ARF4: variants seen among roughly 807,000 people sequenced by gnomAD.
ARF4 encodes the protein ARF GTPase 4, also known as ADP-ribosylation factor 4.
In ARF4, 5 loss-of-function variants were observed where a neutral mutation model predicts 24.3. That is an observed-to-expected ratio of 0.21 (90% CI 0.11 to 0.43). The LOEUF is 0.43. ARF4 is among the 20% of genes least tolerant of loss of function. The pLI is 1.00. For missense variants in ARF4, 107 were observed against 213.0 expected (o/e 0.50, Z 3.10); for synonymous variants, 62 against 73.5 (o/e 0.84, Z 0.80).
intron 1 of ARF4, among the ~76,000 whole-genome samples, chr3:57,592,028 C>G (rs1025951526): frequency 3.3e-5 from 5 of 152,136 alleles, no homozygotes; most frequent in Non-Finnish European, 5.9e-5. Context: ...CGGAACTGTA[C>G]ACTTTAACAG....
Position 57,591,757 on chromosome 3 carries a change from G to A in ARF4, c.67+5317C>T, listed in dbSNP as rs552198602. On this transcript the variant is annotated intron_variant, in intron 1 of 5. Transcript: ENST00000303436. ...TGGGATTACAGGCGTGAGCCACCGC[G>A]CCCGGCCATTATGAATGAACTTTGA... Among the ~76,000 whole-genome samples, 7 of 152,198 alleles carry A rather than the reference G, an allele frequency of 4.6e-5. No homozygotes were observed. In the South Asian group the frequency reaches 6.2e-4, roughly 14 times the overall value.
At chr3:57,577,529 T>TAA in intron 3 of ARF4, 142 bp from the exon 4 acceptor site, 1 of 646,784 alleles carries the variant, frequency 1.5e-6, no homozygotes, top group Non-Finnish European at 2.7e-6. Context: ...GCTGTAATGC[T>TAA]AAAAGCTGAT....
At chr3:57,593,770 C>T (rs559219225) in intron 1 of ARF4, among the ~76,000 whole-genome samples, 1 of 152,266 alleles carries the variant, frequency 6.6e-6, no homozygotes, top group South Asian at 2.1e-4. Flanking sequence ...GGCTCAGTGG[C>T]TCGCCCTGTA....
intron 1 of ARF4, among the ~76,000 whole-genome samples, chr3:57,593,978 G>A (rs1426035779): frequency 6.6e-6 from 1 of 152,196 alleles, no homozygotes; most frequent in African/African-American, 2.4e-5. Flanking sequence ...GAAGCTGGCT[G>A]GGTGTGATGG....
In ARF4 at chr3:57,576,516, T is replaced by G. The variant is rs1489837079; in HGVS notation, c.330+800A>C. ...TGTCTCAACCAAGCTTTTTTTTTTT[T>G]TTTTTTTTTTGAAGAGGGAAAGCTG... On this transcript the variant is annotated intron_variant, in intron 4 of 5. Coordinates refer to ENST00000303436, the MANE Select transcript of ARF4 (RefSeq NM_001660.4). Among the ~76,000 whole-genome samples, 4 of 150,770 alleles carry G rather than the reference T, an allele frequency of 2.7e-5. No individual in the cohort carries two copies. The East Asian group carries it at 7.8e-4, about 29-fold the overall frequency.
chr3:57,589,319 G>A (rs2070076637), intron 1 of ARF4, among the ~76,000 whole-genome samples: 2 of 151,336 alleles, frequency 1.3e-5, no homozygotes, highest in Non-Finnish European at 3.0e-5. Flanking sequence ...TCCCAGCTAC[G>A]TGGGAGGCTG....
intron 3 of ARF4, among the ~76,000 whole-genome samples, chr3:57,577,911 C>T (rs933378961): frequency 1.3e-5 from 2 of 151,846 alleles, no homozygotes; most frequent in Admixed American, 6.6e-5. Flanking sequence ...AAAAATTAGC[C>T]AGGTGTGGTG....
intron 3 of ARF4, among the ~76,000 whole-genome samples, chr3:57,581,442 G>GTT (rs2069969194): frequency 6.6e-6 from 1 of 152,150 alleles, no homozygotes; most frequent in African/African-American, 2.4e-5. Flanking sequence ...TAAACCCAGG[G>GTT]TTACCCTTGG....
At chr3:57,585,124 A>G (rs1397207498) in intron 1 of ARF4, among the ~76,000 whole-genome samples, 1 of 152,170 alleles carries the variant, frequency 6.6e-6, no homozygotes, top group East Asian at 1.9e-4. Context: ...TGGGCCTGCC[A>G]ATGTGCTGGG....
At chr3:57,587,187 C>CAT (rs1396058327) in intron 1 of ARF4, among the ~76,000 whole-genome samples, 14 of 151,958 alleles carry the variant, frequency 9.2e-5, no homozygotes, top group African/African-American at 2.4e-5. Context: ...GATGTGGTGG[C>CAT]ATATGCCTAT....
At chr3:57,584,590 A>G in intron 1 of ARF4, 126 bp from the exon 2 acceptor site, 2 of 787,384 alleles carry the variant, frequency 2.5e-6, no homozygotes, top group Non-Finnish European at 4.1e-6. Context: ...TGAGTTAGAA[A>G]TGAAATGACC....
At chr3:57,582,713 T>A (rs1484904367) in intron 3 of ARF4, among the ~76,000 whole-genome samples, 1 of 151,728 alleles carries the variant, frequency 6.6e-6, no homozygotes, top group Non-Finnish European at 1.5e-5. Context: ...TTGCAAGTCT[T>A]AAAAATATAA....
intron 3 of ARF4, among the ~76,000 whole-genome samples, chr3:57,580,114 A>G (rs2069951958): frequency 6.6e-6 from 1 of 152,074 alleles, no homozygotes. Context: ...CAAAAACAAA[A>G]AATAATGTTT....
rs921070278 is a variant in ARF4, at chr3:57,585,143, C to T, written c.68-679G>A. On this transcript the variant is annotated intron_variant, in intron 1 of 5. Transcript: ENST00000303436. ...CCTGCCAATGTGCTGGGATTACAAG[C>T]GTGAGCCACCGTGCCCAGCCATACT... Among the ~76,000 whole-genome samples, 6 of 152,100 alleles carry T rather than the reference C, an allele frequency of 3.9e-5. No individual in the cohort carries two copies. In the South Asian group the frequency reaches 6.2e-4, roughly 16 times the overall value.
intron 1 of ARF4, among the ~76,000 whole-genome samples, chr3:57,589,053 G>A (rs2070072343): frequency 6.6e-6 from 1 of 150,974 alleles, no homozygotes; most frequent in Non-Finnish European, 1.5e-5. Context: ...AGTGAGCTGA[G>A]ATCGCGCCAT....
At chr3:57,588,223 C>T (rs2070062576) in intron 1 of ARF4, among the ~76,000 whole-genome samples, 1 of 152,216 alleles carries the variant, frequency 6.6e-6, no homozygotes, top group Non-Finnish European at 1.5e-5. Flanking sequence ...TTCTCCTTAA[C>T]TAGACCTGCA....
chr3:57,589,477 T>G (rs6805269), intron 1 of ARF4, among the ~76,000 whole-genome samples: 113,499 of 151,826 alleles, frequency 0.75, 44,511 homozygotes, highest in East Asian at 1. Flanking sequence ...CCCAGCACTT[T>G]GGGAGGCTGA....
Position 57,571,893 on chromosome 3 carries a change from A to G in ARF4, c.*319T>C, listed in dbSNP as rs147220961. ...AGTAGCAAGGGGATAACTTTAAAAC[A>G]TTATTTGTCTGGGGCTCAAAAAACA... On this transcript the variant is annotated 3_prime_UTR_variant, in exon 6 of 6. Transcript: ENST00000303436. 347 of 235,628 alleles carry G rather than the reference A, an allele frequency of 1.5e-3. 1 individual carries two copies. The highest frequency in any genetic ancestry group is 0.013 in the Middle Eastern group (9 of 684). The allele number at this position is 235,628 out of a possible 1,614,324, so 14.6% of individuals were successfully genotyped here. A position where few individuals can be genotyped will look rare whatever the true frequency, so the allele number is the denominator to read the frequency against.
intron 3 of ARF4, among the ~76,000 whole-genome samples, chr3:57,582,854 TCC>T (rs1559784698): frequency 6.6e-6 from 1 of 152,210 alleles, no homozygotes; most frequent in East Asian, 1.9e-4. Flanking sequence ...GAACAAACTC[TCC>T]CATCTTGGGT....
Sources: gnomAD v4.1 joint callset for allele counts (sites outside exome capture counted in the v4.1 genomes callset) on GRCh38, gnomAD v4.1.1 for gene constraint, MANE v1.5 for transcripts, NCBI Gene and HGNC (gene_info 2026-07-23, HGNC 2026-07-21) for gene names.